The following DYNC1I1 variants were observed in gnomAD, a reference collection of about 807,000 sequenced individuals.
DYNC1I1 encodes the protein cytoplasmic dynein 1 intermediate chain 1.
In DYNC1I1, 43 loss-of-function variants were observed where a neutral mutation model predicts 86.6. That is an observed-to-expected ratio of 0.50 (90% CI 0.39 to 0.64). The LOEUF is 0.64. Ranked by LOEUF, DYNC1I1 falls within the 30% of genes least tolerant of loss-of-function variation. DYNC1I1 has a pLI of 0.00. For synonymous variants in DYNC1I1, 262 were observed against 283.7 expected (o/e 0.92, Z 0.77); for missense variants, 604 against 788.8 (o/e 0.77, Z 2.81).
At chr7:95,989,052 G>A (rs776901614) in intron 9 of DYNC1I1, among the ~76,000 whole-genome samples, 1 of 152,180 alleles carries the variant, frequency 6.6e-6, no homozygotes, top group Non-Finnish European at 1.5e-5. Flanking sequence ...GCTTGTAAAG[G>A]TGCAGAATGA....
intron 1 of DYNC1I1, among the ~76,000 whole-genome samples, chr7:95,796,631 C>G (rs1794442591): frequency 6.6e-6 from 1 of 151,998 alleles, no homozygotes; most frequent in South Asian, 2.1e-4. Context: ...TTTTGTTAGT[C>G]TGCCTTTCAC....
chr7:95,816,401 T>C (rs1001986039), intron 4 of DYNC1I1, among the ~76,000 whole-genome samples: 3 of 152,228 alleles, frequency 2.0e-5, no homozygotes, highest in African/African-American at 7.2e-5. Context: ...TTTTCAGTTA[T>C]ACTAATGATT....
chr7:95,919,169 G>A (rs1340148343), intron 6 of DYNC1I1, among the ~76,000 whole-genome samples: 1 of 152,046 alleles, frequency 6.6e-6, no homozygotes, highest in Non-Finnish European at 1.5e-5. Flanking sequence ...TTGCAAATTA[G>A]CAATTAATTC....
At chr7:96,038,002 A>T (rs1255451692) in intron 13 of DYNC1I1, among the ~76,000 whole-genome samples, 1 of 152,154 alleles carries the variant, frequency 6.6e-6, no homozygotes. Context: ...CACCCTATAA[A>T]TCCTTTCAGG....
chr7:96,080,270 T>C (rs376647940), intron 15 of DYNC1I1, 93 bp from the exon 16 acceptor site: 4 of 1,463,752 alleles, frequency 2.7e-6, no homozygotes. Context: ...TGAAGGCAGT[T>C]GGTGACTCAT....
Position 96,047,100 on chromosome 7 carries a change from T to C in DYNC1I1, c.1509+7679T>C, listed in dbSNP as rs112177286. 7.3e-3 allele frequency among the ~76,000 whole-genome samples: 1,112 copies of C among 152,298 alleles called. 11 individuals carry two copies. The highest frequency in any genetic ancestry group is 0.025 in the African/African-American group (1,057 of 41,558). On this transcript the variant is annotated intron_variant, in intron 14 of 16. Transcript: ENST00000447467. ...GTGCTCACTGCCTCATAGATGGTGCTTTCTTCTTGCATCCTCACATGGAAG... is the reference window on the plus strand; with the variant it reads ...GTGCTCACTGCCTCATAGATGGTGCCTTCTTCTTGCATCCTCACATGGAAG...
At chr7:95,862,181 A>T (rs1048811189) in intron 5 of DYNC1I1, among the ~76,000 whole-genome samples, 1 of 152,190 alleles carries the variant, frequency 6.6e-6, no homozygotes, top group Non-Finnish European at 1.5e-5. Context: ...ACAAGCAACC[A>T]AAGAAAAAAT....
intron 6 of DYNC1I1, among the ~76,000 whole-genome samples, chr7:95,880,103 A>G (rs1291488245): frequency 6.6e-6 from 1 of 152,028 alleles, no homozygotes; most frequent in African/African-American, 2.4e-5. Flanking sequence ...TTTGGCCTTT[A>G]TTTGTTTTAT....
intron 10 of DYNC1I1, among the ~76,000 whole-genome samples, chr7:96,027,943 C>T (rs1794720308): frequency 6.6e-6 from 1 of 152,132 alleles, no homozygotes; most frequent in Non-Finnish European, 1.5e-5. Context: ...ATGGACAGGA[C>T]TTCAAATTTC....
intron 6 of DYNC1I1, among the ~76,000 whole-genome samples, chr7:95,962,494 A>G (rs1443487024): frequency 2.6e-5 from 4 of 152,026 alleles, no homozygotes; most frequent in Non-Finnish European, 5.9e-5. Flanking sequence ...CTTTCTTCCT[A>G]CCTTGCACAT....
At chr7:95,977,428 C>A in intron 6 of DYNC1I1, 84 bp from the exon 7 acceptor site, 1 of 1,276,802 alleles carries the variant, frequency 7.8e-7, no homozygotes, top group Non-Finnish European at 1.1e-6. Flanking sequence ...GGAACTTTAC[C>A]CTTTACCCCT....
At chr7:96,097,443 G>T in intron 16 of DYNC1I1, 40 bp from the exon 17 acceptor site, 1 of 1,610,698 alleles carries the variant, frequency 6.2e-7, no homozygotes, top group South Asian at 1.1e-5. Flanking sequence ...AGACATGAAA[G>T]ATATCTTGTT....
chr7:96,015,547 AT>A (rs1794380107), intron 10 of DYNC1I1, among the ~76,000 whole-genome samples: 2 of 151,918 alleles, frequency 1.3e-5, no homozygotes, highest in Admixed American at 1.3e-4. Flanking sequence ...TTATTCACAT[AT>A]TTTTCTTTAT....
chr7:96,032,691 G>C lies in DYNC1I1; in HGVS notation c.1141G>C (p.Val381Leu), dbSNP rs375017615. The change falls in exon 12 of 17, where the codon GTT (valine) becomes CTT (leucine). Residue 381 changes from valine to leucine, a missense_variant. Coordinates refer to ENST00000447467, the MANE Select transcript of DYNC1I1 (RefSeq NM_001135556.2). ...HTHPVYCVNV[V>L]GTQNAHNLIT... ...GCATCCCGTGTACTGTGTAAATGTT[G>C]TTGGGACCCAGAATGCTCATAACCT... 1.2e-6 allele frequency: 2 copies of C among 1,613,488 alleles called. No individual in the cohort carries two copies. The highest frequency in any genetic ancestry group is 2.7e-5 in the African/African-American group (2 of 74,862).
intron 16 of DYNC1I1, among the ~76,000 whole-genome samples, chr7:96,084,956 T>A (rs1465275283): frequency 6.6e-6 from 1 of 152,178 alleles, no homozygotes; most frequent in Non-Finnish European, 1.5e-5. Context: ...ACAGGCTTTC[T>A]CTGTCCACAC....
chr7:95,952,990 G>T (rs989003704), intron 6 of DYNC1I1, among the ~76,000 whole-genome samples: 2 of 151,492 alleles, frequency 1.3e-5, no homozygotes, highest in Non-Finnish European at 2.9e-5. Context: ...GCAGGATTAT[G>T]CTGGGCAAAA....
chr7:95,818,609 G>T, intron 4 of DYNC1I1: 1 of 585,446 alleles, frequency 1.7e-6, no homozygotes, highest in Non-Finnish European at 3.1e-6. Flanking sequence ...CCCTCCCAAA[G>T]TGCTGAGATT....
rs1584302009 is a variant in DYNC1I1 at position 96,076,338 on chromosome 7, G to A, written c.1650+141G>A. 6 of 1,287,878 alleles carry A rather than the reference G, an allele frequency of 4.7e-6. No individual in the cohort carries two copies. The East Asian group carries it at 1.5e-4, about 33-fold the overall frequency. 79.8% of individuals were successfully genotyped at this position (1,287,878 alleles called of 1,614,324 possible). On this transcript the variant is annotated intron_variant, in intron 15 of 16. Transcript: ENST00000447467. ...AGCAGGGCTGCCGGCCCCCATTCTT[G>A]ACTACCCTGAAGGGAATTGGCAGAT...
chr7:95,840,513 A>AT (rs1366282109), intron 5 of DYNC1I1, among the ~76,000 whole-genome samples: 1 of 152,308 alleles, frequency 6.6e-6, no homozygotes, highest in Non-Finnish European at 1.5e-5. Flanking sequence ...CATGATCAAC[A>AT]TTTTGAATTC....
Sources: allele counts gnomAD v4.1 joint callset (sites outside exome capture counted in the v4.1 genomes callset), GRCh38; gene constraint gnomAD v4.1.1; transcripts MANE v1.5; gene names NCBI Gene and HGNC (gene_info 2026-07-23, HGNC 2026-07-21).